The following TENM3 variants were observed in gnomAD, a reference collection of about 807,000 sequenced individuals.
TENM3 encodes teneurin-3.
Under a neutral mutation model 255.1 loss-of-function variants are expected in TENM3, and 63 were observed. That is an observed-to-expected ratio of 0.25 (90% CI 0.20 to 0.30). TENM3 has a LOEUF of 0.30. Ranked by LOEUF, TENM3 falls within the 10% of genes least tolerant of loss-of-function variation. TENM3 has a pLI of 1.00. For missense variants in TENM3, 2,929 were observed against 3,461.1 expected (o/e 0.85, Z 3.86); for synonymous variants, 1,306 against 1,322.3 (o/e 0.99, Z 0.27).
chr4:182,058,477 T>C, the TENM3 span, among the ~76,000 whole-genome samples: 2 of 152,186 alleles, frequency 1.3e-5, no homozygotes, highest in African/African-American at 4.8e-5. Flanking sequence ...AGGTTTGGTG[T>C]TTAGATTCTT....
intron 12 of TENM3, among the ~76,000 whole-genome samples, chr4:182,689,654 G>T (rs1441461891): frequency 1.3e-5 from 2 of 152,138 alleles, no homozygotes; most frequent in Non-Finnish European, 2.9e-5. Flanking sequence ...CCCACTAGGA[G>T]AGGTCATGTG....
chr4:181,963,496 C>CA, the TENM3 span, among the ~76,000 whole-genome samples: 1 of 152,138 alleles, frequency 6.6e-6, no homozygotes, highest in Non-Finnish European at 1.5e-5. Context: ...ATGGAGTTTC[C>CA]ATTCTAGAAG....
the TENM3 span, among the ~76,000 whole-genome samples, chr4:181,699,472 A>AAAAAAAAAAAAAAAAAAAAAT: frequency 7.5e-6 from 1 of 132,998 alleles, no homozygotes; most frequent in African/African-American, 3.0e-5. Flanking sequence ...AAAAAAAAAA[A>AAAAAAAAAAAAAAAAAAAAAT]GAAAGAAAGA....
intron 3 of TENM3, among the ~76,000 whole-genome samples, chr4:182,591,891 C>T (rs533662023): frequency 5.3e-5 from 8 of 152,146 alleles, no homozygotes; most frequent in South Asian, 2.1e-4. Flanking sequence ...TTTTGTTTTC[C>T]GATGAGCTTC....
chr4:181,576,847 C>G, the TENM3 span, among the ~76,000 whole-genome samples: 295 of 120,378 alleles, frequency 2.5e-3, 1 homozygote, highest in Non-Finnish European at 3.9e-3. Flanking sequence ...GAGTTCCACT[C>G]TTATTGCCCA....
At chr4:182,514,837 G>A (rs56119320) in intron 3 of TENM3, among the ~76,000 whole-genome samples, 10,592 of 152,156 alleles carry the variant, frequency 0.07, 533 homozygotes, top group Non-Finnish European at 0.11. Flanking sequence ...GGGCTGAGAT[G>A]CAGATCAAGA....
the TENM3 span, among the ~76,000 whole-genome samples, chr4:181,766,760 A>G: frequency 0.023 from 3,542 of 152,152 alleles, 65 homozygotes; most frequent in Middle Eastern, 0.071. Context: ...CGTTCAAAAA[A>G]AAAAAAAGCA....
At chr4:182,312,206 A>C (rs971103270) in intron 1 of TENM3, among the ~76,000 whole-genome samples, 2 of 152,066 alleles carry the variant, frequency 1.3e-5, no homozygotes, top group Admixed American at 6.5e-5. Context: ...TAATAAATTG[A>C]GGTTATTGGC....
the TENM3 span, among the ~76,000 whole-genome samples, chr4:182,100,600 C>CAT: frequency 4.5e-5 from 1 of 22,146 alleles, no homozygotes; most frequent in African/African-American, 1.9e-4. Flanking sequence ...CATATATACA[C>CAT]ATATATACAC....
At chr4:182,341,545 T>TA in intron 2 of TENM3, among the ~76,000 whole-genome samples, 1 of 152,354 alleles carries the variant, frequency 6.6e-6, no homozygotes, top group Middle Eastern at 3.4e-3. Context: ...TTCTTTATGC[T>TA]AACCACAGTG....
intron 13 of TENM3, among the ~76,000 whole-genome samples, chr4:182,724,047 G>C (rs1451871414): frequency 6.6e-6 from 1 of 152,200 alleles, no homozygotes; most frequent in Middle Eastern, 3.2e-3. Flanking sequence ...AGCATAAACA[G>C]TATGATCTAC....
chr4:181,565,635 A>G, the TENM3 span, among the ~76,000 whole-genome samples: 1 of 152,204 alleles, frequency 6.6e-6, no homozygotes, highest in Non-Finnish European at 1.5e-5. Flanking sequence ...AGCTGAGCTA[A>G]ATCTTAAAGA....
chr4:182,590,551 A>AAAG (rs1331443318), intron 3 of TENM3, among the ~76,000 whole-genome samples: 2 of 149,048 alleles, frequency 1.3e-5, no homozygotes, highest in African/African-American at 2.5e-5. Context: ...AAAAAAAAAA[A>AAAG]AAAAAAAAAA....
the TENM3 span, among the ~76,000 whole-genome samples, chr4:182,075,878 A>G: frequency 6.6e-6 from 1 of 152,148 alleles, no homozygotes; most frequent in Non-Finnish European, 1.5e-5. Flanking sequence ...AAATCTGTAC[A>G]TTCCTGCAGT....
the TENM3 span, among the ~76,000 whole-genome samples, chr4:181,703,443 A>G: frequency 6.6e-6 from 1 of 152,198 alleles, no homozygotes. Flanking sequence ...TTGCATACAG[A>G]TCTAAGAGGG....
At chr4:181,540,206 T>A in the TENM3 span, among the ~76,000 whole-genome samples, 1 of 152,054 alleles carries the variant, frequency 6.6e-6, no homozygotes, top group Non-Finnish European at 1.5e-5. Flanking sequence ...AGGCCAAAGC[T>A]GAAGCAATTG....
intron 3 of TENM3, among the ~76,000 whole-genome samples, chr4:182,415,547 A>T (rs978203608): frequency 2.7e-4 from 41 of 152,172 alleles, no homozygotes; most frequent in African/African-American, 9.9e-4. Context: ...TGGCATGATA[A>T]GAGAGGGAGA....
At chr4:181,807,265 A>C in the TENM3 span, among the ~76,000 whole-genome samples, 2 of 152,242 alleles carry the variant, frequency 1.3e-5, no homozygotes, top group African/African-American at 2.4e-5. Flanking sequence ...CGTATCTTCC[A>C]TAAATATGGA....
chr4:181,876,058 A>G, the TENM3 span, among the ~76,000 whole-genome samples: 5 of 152,234 alleles, frequency 3.3e-5, no homozygotes, highest in Non-Finnish European at 7.3e-5. Flanking sequence ...CATGGAGTCC[A>G]TGCCTTGAGA....
Sources: gnomAD v4.1 joint callset for allele counts (sites outside exome capture counted in the v4.1 genomes callset) on GRCh38, gnomAD v4.1.1 for gene constraint, MANE v1.5 for transcripts, NCBI Gene and HGNC (gene_info 2026-07-23, HGNC 2026-07-21) for gene names.